The following PEBP4 variants were observed in gnomAD, a reference collection of about 807,000 sequenced individuals.
PEBP4 encodes the protein phosphatidylethanolamine-binding protein 4.
In PEBP4, 22 loss-of-function variants were observed where a neutral mutation model predicts 23.9. That is an observed-to-expected ratio of 0.92 (90% CI 0.66 to 1.31). The LOEUF (loss-of-function observed/expected upper bound fraction) is 1.31, where lower values mean the gene tolerates loss of function less well. PEBP4 is among the 40% of genes most tolerant of loss of function. PEBP4 has a pLI of 0.00. For missense variants in PEBP4, 324 were observed against 281.7 expected (o/e 1.15, Z -1.07); for synonymous variants, 112 against 99.3 (o/e 1.13, Z -0.76).
chr8:22,940,165 C>G (rs1476980652), intron 1 of PEBP4, among the ~76,000 whole-genome samples: 2 of 152,174 alleles, frequency 1.3e-5, no homozygotes, highest in African/African-American at 4.8e-5. Context: ...CTGGTTCCCC[C>G]TATATTTCTC....
At chr8:22,738,233 C>T (rs898549557) in intron 4 of PEBP4, among the ~76,000 whole-genome samples, 2 of 152,092 alleles carry the variant, frequency 1.3e-5, no homozygotes, top group African/African-American at 2.4e-5. Context: ...TTCCTTCTCT[C>T]GCTGCTCACT....
intron 2 of PEBP4, among the ~76,000 whole-genome samples, chr8:22,925,600 C>T (rs1809309951): frequency 6.6e-6 from 1 of 152,112 alleles, no homozygotes; most frequent in African/African-American, 2.4e-5. Flanking sequence ...CACGTGTGTC[C>T]CCATGCATGG....
At chr8:22,776,953 C>T (rs957072160) in intron 4 of PEBP4, among the ~76,000 whole-genome samples, 3 of 151,766 alleles carry the variant, frequency 2.0e-5, no homozygotes, top group South Asian at 2.1e-4. Flanking sequence ...GCATGTGATG[C>T]GTCCTACGGG....
At chr8:22,911,840 T>C (rs1263384362) in intron 3 of PEBP4, among the ~76,000 whole-genome samples, 1 of 152,228 alleles carries the variant, frequency 6.6e-6, no homozygotes, top group African/African-American at 2.4e-5. Flanking sequence ...TCAGGTCCCA[T>C]GTGCCCCCTT....
intron 4 of PEBP4, among the ~76,000 whole-genome samples, chr8:22,790,601 G>A (rs1323175595): frequency 6.6e-6 from 1 of 152,082 alleles, no homozygotes; most frequent in Non-Finnish European, 1.5e-5. Flanking sequence ...GTGGGGTGGA[G>A]GGGGAAATAA....
intron 6 of PEBP4, among the ~76,000 whole-genome samples, chr8:22,717,842 C>T (rs1804446013): frequency 1.3e-5 from 2 of 152,186 alleles, no homozygotes; most frequent in African/African-American, 4.8e-5. Flanking sequence ...CTAATAACCG[C>T]CCCACAGAGA....
chr8:22,792,593 G>A (rs1324694440), intron 4 of PEBP4, among the ~76,000 whole-genome samples: 1 of 152,074 alleles, frequency 6.6e-6, no homozygotes, highest in African/African-American at 2.4e-5. Context: ...CCTTCTGTGT[G>A]ATTCACCCAG....
intron 4 of PEBP4, among the ~76,000 whole-genome samples, chr8:22,763,129 C>T (rs190897685): frequency 8.5e-5 from 13 of 152,162 alleles, no homozygotes; most frequent in African/African-American, 2.9e-4. Flanking sequence ...CTCAGCCTAC[C>T]GAGTAGCTGG....
At position 22,787,476 on chromosome 8, in the gene PEBP4, G is replaced by A. The variant is rs185904655; in HGVS notation, c.357+30161C>T. 9.0e-4 allele frequency among the ~76,000 whole-genome samples: 137 copies of A among 152,310 alleles called. 1 individual carries two copies. Among genetic ancestry groups the A allele is most frequent in the African/African-American group, 3.1e-3 (129 of 41,578 alleles). ...GGGGGATACCAACATTTTGATGGGC[G>A]AGTTTTGTCCCATGGCACCCATACC... On this transcript the variant is annotated intron_variant, in intron 4 of 6. Coordinates refer to ENST00000256404, the MANE Select transcript of PEBP4 (RefSeq NM_144962.3).
rs557424785 is a variant in PEBP4 at position 22,785,788 on chromosome 8, T to C, written c.357+31849A>G. 2.6e-5 allele frequency among the ~76,000 whole-genome samples: 4 copies of C among 152,294 alleles called. No homozygotes were observed. The South Asian group carries it at 8.3e-4, about 32-fold the overall frequency. On this transcript the variant is annotated intron_variant, in intron 4 of 6. Coordinates refer to ENST00000256404, the MANE Select transcript of PEBP4 (RefSeq NM_144962.3). Reference sequence around the variant, plus strand: ...CGAGAAGCTTGTCAATGACTGTGAATAGAGGAGGAAAAGAGCAGACCGACA... The same window carrying C: ...CGAGAAGCTTGTCAATGACTGTGAACAGAGGAGGAAAAGAGCAGACCGACA...
intron 6 of PEBP4, among the ~76,000 whole-genome samples, chr8:22,717,129 G>A (rs542608450): frequency 2.0e-5 from 3 of 152,120 alleles, no homozygotes; most frequent in African/African-American, 7.2e-5. Flanking sequence ...TGACCTCCCA[G>A]GCTCAGGTGA....
At chr8:22,857,241 T>TACACACACACAC (rs35324307) in intron 3 of PEBP4, among the ~76,000 whole-genome samples, 1,512 of 148,106 alleles carry the variant, frequency 0.01, 37 homozygotes, top group African/African-American at 0.035. Flanking sequence ...AAATGAAACC[T>TACACACACACAC]ACACACACAC....
chr8:22,926,824 A>G (rs912997364), intron 2 of PEBP4, among the ~76,000 whole-genome samples: 1 of 152,226 alleles, frequency 6.6e-6, no homozygotes, highest in Non-Finnish European at 1.5e-5. Flanking sequence ...TAAGTAGTCA[A>G]AGTTCTTTTT....
At chr8:22,749,805 C>CTTTATTTTTTTTTTTTTTTTTTTTTTT (rs1805209311) in intron 4 of PEBP4, among the ~76,000 whole-genome samples, 1 of 83,762 alleles carries the variant, frequency 1.2e-5, no homozygotes, top group Non-Finnish European at 2.4e-5. Flanking sequence ...GTTTGTCATT[C>CTTTATTTTTTTTTTTTTTTTTTTTTTT]TTTTTTTTTT....
At chr8:22,778,506 C>T (rs1049915397) in intron 4 of PEBP4, among the ~76,000 whole-genome samples, 1 of 152,126 alleles carries the variant, frequency 6.6e-6, no homozygotes, top group Non-Finnish European at 1.5e-5. Flanking sequence ...GGACAGGCTC[C>T]TGGGCCTTCT....
intron 3 of PEBP4, among the ~76,000 whole-genome samples, chr8:22,875,616 T>C (rs1808103754): frequency 6.6e-6 from 1 of 152,196 alleles, no homozygotes; most frequent in Non-Finnish European, 1.5e-5. Context: ...GCTTCACAGT[T>C]AGTCTTGACT....
chr8:22,713,631 C>T (rs959039602), intron 6 of PEBP4, 95 bp from the exon 7 acceptor site: 40 of 1,558,778 alleles, frequency 2.6e-5, no homozygotes, highest in East Asian at 2.0e-4. Flanking sequence ...TCGTGGGAGC[C>T]GAGGCAGCAG....
chr8:22,809,381 C>T (rs1806569007), intron 4 of PEBP4, among the ~76,000 whole-genome samples: 1 of 152,126 alleles, frequency 6.6e-6, no homozygotes, highest in Non-Finnish European at 1.5e-5. Flanking sequence ...GTAGAGGTGC[C>T]ACCAATCTCA....
intron 4 of PEBP4, among the ~76,000 whole-genome samples, chr8:22,739,294 A>G (rs1392853351): frequency 1.3e-5 from 2 of 152,190 alleles, no homozygotes; most frequent in African/African-American, 4.8e-5. Flanking sequence ...GCAGCAGAAC[A>G]ATTAGGAAAT....
Sources: gnomAD v4.1 joint callset for allele counts (sites outside exome capture counted in the v4.1 genomes callset) on GRCh38, gnomAD v4.1.1 for gene constraint, MANE v1.5 for transcripts, NCBI Gene and HGNC (gene_info 2026-07-23, HGNC 2026-07-21) for gene names.